WDR89: variants seen among roughly 807,000 people sequenced by gnomAD.
The protein encoded by WDR89 is WD repeat-containing protein 89.
In WDR89, 17 loss-of-function variants were observed where a neutral mutation model predicts 29.1. The observed-to-expected ratio is 0.58, with a 90% CI of 0.40 to 0.88. WDR89 has a LOEUF of 0.88. Among genes scored for constraint, WDR89 ranks in the 40% least tolerant of loss-of-function variants. WDR89 has a pLI of 0.00. For synonymous variants in WDR89, 138 were observed against 157.8 expected (o/e 0.87, Z 0.94); for missense variants, 396 against 456.3 (o/e 0.87, Z 1.20).
At chr14:63,629,771 T>G (rs1378925501) in intron 1 of WDR89, among the ~76,000 whole-genome samples, 1 of 152,224 alleles carries the variant, frequency 6.6e-6, no homozygotes, top group East Asian at 1.9e-4. Context: ...ACTTTATTTT[T>G]TTTATTTCTT....
At chr14:63,615,830 A>G (rs1349259536) in intron 2 of WDR89, among the ~76,000 whole-genome samples, 2 of 152,064 alleles carry the variant, frequency 1.3e-5, no homozygotes, top group African/African-American at 4.8e-5. Context: ...CGGCTGAGGC[A>G]GGAGAATCAC....
intron 2 of WDR89, among the ~76,000 whole-genome samples, chr14:63,620,022 A>G (rs1032418410): frequency 3.3e-5 from 5 of 151,526 alleles, no homozygotes; most frequent in Admixed American, 1.3e-4. Flanking sequence ...AAAAAAAAAA[A>G]AAGAAAAAGA....
At chr14:63,601,766 T>C (rs1159287836) in intron 2 of WDR89, 2 of 1,298,546 alleles carry the variant, frequency 1.5e-6, no homozygotes, top group African/African-American at 2.9e-5. Flanking sequence ...ATGACAAGGA[T>C]TATTTCCTAT....
chr14:63,626,486 G>A (rs1366039986), intron 1 of WDR89, among the ~76,000 whole-genome samples: 2 of 151,046 alleles, frequency 1.3e-5, no homozygotes, highest in African/African-American at 2.4e-5. Context: ...AGACCAGCCT[G>A]GCCAACATGG....
intron 2 of WDR89, 26 bp downstream of exon 2, chr14:63,624,898 AGTTT>A (rs1280099945): frequency 2.6e-5 from 4 of 152,232 alleles, no homozygotes; most frequent in African/African-American, 9.6e-5. Flanking sequence ...CTGGTTTGGC[AGTTT>A]GTTTAAAAGT....
chr14:63,640,136 G>A (rs1884008126), intron 1 of WDR89, among the ~76,000 whole-genome samples: 1 of 152,168 alleles, frequency 6.6e-6, no homozygotes, highest in Non-Finnish European at 1.5e-5. Flanking sequence ...GAGATAAGCA[G>A]TCCATAGACG....
At chr14:63,617,570 A>T (rs778164199) in intron 2 of WDR89, among the ~76,000 whole-genome samples, 4 of 151,950 alleles carry the variant, frequency 2.6e-5, no homozygotes, top group Non-Finnish European at 5.9e-5. Flanking sequence ...GGCTCACTGT[A>T]ACCTCCCAGG....
intron 2 of WDR89, among the ~76,000 whole-genome samples, chr14:63,624,332 T>C (rs1476738288): frequency 3.3e-5 from 5 of 151,694 alleles, no homozygotes; most frequent in Admixed American, 2.6e-4. Context: ...CCAGGCATGG[T>C]GGCGCATGCC....
intron 1 of WDR89, among the ~76,000 whole-genome samples, chr14:63,638,002 G>C (rs1332337468): frequency 6.6e-6 from 1 of 151,850 alleles, no homozygotes; most frequent in African/African-American, 2.4e-5. Flanking sequence ...CTGGAGTGCA[G>C]TGGCACGATC....
At chr14:63,616,077 T>C (rs1013931247) in intron 2 of WDR89, among the ~76,000 whole-genome samples, 4 of 152,128 alleles carry the variant, frequency 2.6e-5, no homozygotes, top group Admixed American at 6.6e-5. Flanking sequence ...ACTCCGTCTC[T>C]ACAAAATTTA....
intron 2 of WDR89, among the ~76,000 whole-genome samples, chr14:63,621,008 T>C (rs140166309): frequency 3.5e-4 from 53 of 152,106 alleles, no homozygotes; most frequent in African/African-American, 1.2e-3. Flanking sequence ...TGGCTTGATC[T>C]AGTCATTCCG....
chr14:63,634,476 C>T (rs1193344766), intron 1 of WDR89, among the ~76,000 whole-genome samples: 2 of 150,684 alleles, frequency 1.3e-5, no homozygotes, highest in Non-Finnish European at 2.9e-5. Context: ...GAGCCAAGAT[C>T]GTGCCACTGC....
At chr14:63,638,281 A>C (rs1199670758) in intron 1 of WDR89, among the ~76,000 whole-genome samples, 1 of 152,124 alleles carries the variant, frequency 6.6e-6, no homozygotes, top group African/African-American at 2.4e-5. Context: ...CTGCCCCCCC[A>C]AAAAAGAAAA....
chr14:63,609,817 T>C (rs1881837434), intron 2 of WDR89, among the ~76,000 whole-genome samples: 1 of 151,590 alleles, frequency 6.6e-6, no homozygotes, highest in South Asian at 2.1e-4. Context: ...TAAAATAAAA[T>C]AAAACAAAAC....
At chr14:63,627,098 G>A (rs1595034790) in intron 1 of WDR89, among the ~76,000 whole-genome samples, 1 of 150,914 alleles carries the variant, frequency 6.6e-6, no homozygotes, top group Admixed American at 6.6e-5. Context: ...TCTAGCTTAG[G>A]TGACAGAATA....
At position 63,624,173 on chromosome 14, in the gene WDR89, A is replaced by T. The variant is rs73263623; in HGVS notation, c.-32+755T>A. Among the ~76,000 whole-genome samples, 1,191 of 152,230 alleles carry T rather than the reference A, an allele frequency of 7.8e-3. 14 individuals carry two copies. The highest frequency in any genetic ancestry group is 0.03 in the South Asian group (145 of 4,826). On this transcript the variant is annotated intron_variant, in intron 2 of 2. Transcript: ENST00000620954. Reference sequence around the variant, plus strand: ...AAACCTGCTTTTGAACAGTCAAGAAAATGCAAACTACAGGCCAAGCATGGT... The same window carrying T: ...AAACCTGCTTTTGAACAGTCAAGAATATGCAAACTACAGGCCAAGCATGGT...
Position 63,636,447 on chromosome 14 carries a change from C to G in WDR89, c.-138+5357G>C, listed in dbSNP as rs141995654. 1.5e-4 allele frequency among the ~76,000 whole-genome samples: 23 copies of G among 152,164 alleles called. No homozygotes were observed. The East Asian group carries it at 4.2e-3, about 28-fold the overall frequency. On this transcript the variant is annotated intron_variant, in intron 1 of 2. Coordinates refer to ENST00000620954, the MANE Select transcript of WDR89 (RefSeq NM_080666.4). Reference sequence around the variant, plus strand: ...ATTCATATGGAACCAAAAAGGAGCCCGCATAGCCAAAGCATGACTAAGCAA... The same window carrying G: ...ATTCATATGGAACCAAAAAGGAGCCGGCATAGCCAAAGCATGACTAAGCAA...
intron 2 of WDR89, among the ~76,000 whole-genome samples, chr14:63,610,748 G>C (rs1881925492): frequency 6.8e-6 from 1 of 147,466 alleles, no homozygotes; most frequent in Admixed American, 6.8e-5. Context: ...TGTCACCCAG[G>C]CTGGAGTGCA....
rs370414228 is a variant in WDR89, at chr14:63,612,478, C to T, written c.-32+12450G>A. On this transcript the variant is annotated intron_variant, in intron 2 of 2. Transcript: ENST00000620954. Reference sequence around the variant, plus strand: ...GCAACCTCTGCCTCCCGGGTTCAAGCGATTATCCTGCTTCAGCCTCCTAAG... The same window carrying T: ...GCAACCTCTGCCTCCCGGGTTCAAGTGATTATCCTGCTTCAGCCTCCTAAG... 8.6e-5 allele frequency among the ~76,000 whole-genome samples: 13 copies of T among 151,932 alleles called. No homozygotes were observed. In the South Asian group the frequency reaches 2.7e-3, roughly 32 times the overall value.
Sources: allele counts gnomAD v4.1 joint callset (sites outside exome capture counted in the v4.1 genomes callset), GRCh38; gene constraint gnomAD v4.1.1; transcripts MANE v1.5; gene names NCBI Gene and HGNC (gene_info 2026-07-23, HGNC 2026-07-21).